JADE2: variants seen among roughly 807,000 people sequenced by gnomAD.
JADE2 encodes the protein jade family PHD finger 2.
A neutral mutation model predicts 85.7 loss-of-function variants in JADE2; 13 were observed. The ratio of observed to expected loss-of-function variants is 0.15; its 90% CI spans 0.10 to 0.24. JADE2 has a LOEUF of 0.24. Among genes scored for constraint, JADE2 ranks in the 10% least tolerant of loss-of-function variants. JADE2 has a pLI of 1.00. For synonymous variants in JADE2, 440 were observed against 456.1 expected (o/e 0.96, Z 0.45); for missense variants, 846 against 1,115.9 (o/e 0.76, Z 3.45).
At chr5:134,574,166 G>A (rs188481430) in intron 10 of JADE2, 11 of 300,892 alleles carry the variant, frequency 3.7e-5, no homozygotes, top group Admixed American at 5.0e-5. Context: ...AGTCAGTTCC[G>A]AAGAAGGCAG....
intron 1 of JADE2, among the ~76,000 whole-genome samples, chr5:134,527,149 G>T (rs1279909484): frequency 7.4e-6 from 1 of 134,682 alleles, no homozygotes; most frequent in East Asian, 2.1e-4. Context: ...TCCCTTTGCC[G>T]GATCCCCGGC....
At chr5:134,577,658 T>C (rs1764460318) in intron 11 of JADE2, among the ~76,000 whole-genome samples, 1 of 152,116 alleles carries the variant, frequency 6.6e-6, no homozygotes, top group African/African-American at 2.4e-5. Context: ...GCCACTGCAC[T>C]CCAGCCTGGG....
At chr5:134,567,105 C>T (rs866242059) in intron 9 of JADE2, among the ~76,000 whole-genome samples, 4 of 152,148 alleles carry the variant, frequency 2.6e-5, no homozygotes, top group East Asian at 1.9e-4. Context: ...TGGGTAAACG[C>T]GGCTCCGTGG....
rs549694310 is a variant in JADE2 at position 134,580,425 on chromosome 5, T to TTC, written c.*1108_*1109insTC. ...TGAGCCTTAACCCCTCGCACAGCCATCCCCCCCCCCGTCCTGCCATCCCCC... is the reference window on the plus strand; with the variant it reads ...TGAGCCTTAACCCCTCGCACAGCCATTCCCCCCCCCCCGTCCTGCCATCCCCC... On this transcript the variant is annotated 3_prime_UTR_variant, in exon 12 of 12. Coordinates refer to ENST00000681547, the MANE Select transcript of JADE2 (RefSeq NM_001388185.1). 1.1e-4 allele frequency: 8 copies of TTC among 72,076 alleles called. No individual in the cohort carries two copies. The highest frequency in any genetic ancestry group is 1.5e-4 in the Admixed American group (1 of 6,636). 4.5% of individuals were successfully genotyped at this position (72,076 alleles called of 1,614,324 possible).
rs1308541308 is a variant in JADE2, at chr5:134,573,750, G to T, written c.1540G>T (p.Asp514Tyr). The T allele has an allele frequency of 6.2e-7, 1 of 1,608,066 alleles. No homozygotes were observed. The highest frequency in any genetic ancestry group is 1.1e-5 in the South Asian group (1 of 90,968). Residue 514 changes from aspartate to tyrosine, a missense_variant, in exon 10 of 12, where the codon GAT becomes TAT. Around this residue, in one of 9 missense-constraint regions of JADE2, gnomAD observed 119 missense variants for 163.9 expected, o/e 0.73. Coordinates refer to ENST00000681547, the MANE Select transcript of JADE2 (RefSeq NM_001388185.1). The part of the protein sequence containing the change: ...FHLQMKLIEQ[D>Y]LCRERSGRRA... Reference sequence around the variant, plus strand: ...CCTGCAGATGAAACTTATTGAACAGGATCTGTGTCGAGGTAGGCGCCTTCC... The same window carrying T: ...CCTGCAGATGAAACTTATTGAACAGTATCTGTGTCGAGGTAGGCGCCTTCC...
At chr5:134,564,421 A>C (rs329311) in intron 7 of JADE2, 73 bp from the exon 8 acceptor site, 914,129 of 971,254 alleles carry the variant, frequency 0.94, 432,378 homozygotes, top group Non-Finnish European at 0.97. Flanking sequence ...CAGCAGACAA[A>C]CCCCCATTTT....
At chr5:134,529,231 G>C (rs1008869490) in intron 1 of JADE2, among the ~76,000 whole-genome samples, 3 of 152,160 alleles carry the variant, frequency 2.0e-5, no homozygotes, top group African/African-American at 7.2e-5. Context: ...GGGAGAACAG[G>C]TCAGAGTTGG....
At chr5:134,534,113 G>A (rs950959368) in intron 1 of JADE2, among the ~76,000 whole-genome samples, 2 of 152,150 alleles carry the variant, frequency 1.3e-5, no homozygotes, top group East Asian at 1.9e-4. Flanking sequence ...GCGCAGAGAC[G>A]GAGAAGTCAG....
intron 1 of JADE2, among the ~76,000 whole-genome samples, chr5:134,531,136 G>C (rs1474128238): frequency 6.6e-6 from 1 of 152,212 alleles, no homozygotes; most frequent in Non-Finnish European, 1.5e-5. Flanking sequence ...TAAACCTGAA[G>C]GTTGAAAAGT....
chr5:134,541,670 G>A (rs1761968052), intron 3 of JADE2, among the ~76,000 whole-genome samples: 1 of 152,206 alleles, frequency 6.6e-6, no homozygotes, highest in Admixed American at 6.5e-5. Context: ...TGGAACTCGT[G>A]GTTCACTTGT....
intron 11 of JADE2, among the ~76,000 whole-genome samples, chr5:134,577,755 T>C (rs1764466116): frequency 6.6e-6 from 1 of 152,112 alleles, no homozygotes; most frequent in African/African-American, 2.4e-5. Flanking sequence ...AAACCCAGTC[T>C]CCCGTCTCGC....
chr5:134,564,541 G>C lies in JADE2; in HGVS notation c.900G>C (p.Ser300=), dbSNP rs370730516. ...AGATGGAGCCCATCACCAAGATCTC[G>C]CATATCCCAGCCAGCCGCTGGGCTC... ...PEKMEPITKI[S]HIPASRWALS... is the part of the protein sequence containing the mutation. The change falls in exon 8 of 12, where the codon TCG becomes TCC. Residue 300 remains serine (S), a synonymous_variant. Coordinates refer to ENST00000681547, the MANE Select transcript of JADE2 (RefSeq NM_001388185.1). 7 of 1,581,058 alleles carry C rather than the reference G, an allele frequency of 4.4e-6. No homozygotes were observed. The East Asian group carries it at 1.6e-4, about 36-fold the overall frequency.
intron 3 of JADE2, among the ~76,000 whole-genome samples, chr5:134,550,649 C>T (rs999452930): frequency 1.3e-5 from 2 of 152,274 alleles, no homozygotes; most frequent in East Asian, 1.9e-4. Context: ...CACATGGTGT[C>T]TAGAGGTGCC....
chr5:134,559,215 A>G (rs916189142), intron 4 of JADE2, among the ~76,000 whole-genome samples: 1 of 152,160 alleles, frequency 6.6e-6, no homozygotes, highest in Non-Finnish European at 1.5e-5. Context: ...GTAACCAGGT[A>G]GGGCTCCTCC....
intron 1 of JADE2, among the ~76,000 whole-genome samples, chr5:134,529,098 C>T: frequency 6.6e-6 from 1 of 152,196 alleles, no homozygotes; most frequent in Non-Finnish European, 1.5e-5. Context: ...TAGTGTTCCT[C>T]TTAACAGGAA....
At chr5:134,525,035 C>T (rs1218353294), upstream of JADE2, among the ~76,000 whole-genome samples, 1 of 151,998 alleles carries the variant, frequency 6.6e-6, no homozygotes, top group African/African-American at 2.4e-5. Flanking sequence ...GTGCAAACCT[C>T]GTTCCCTCCG....
rs199876764 is a variant in JADE2, at chr5:134,578,615, C to T, written c.1803C>T (p.Arg601=). The T allele has an allele frequency of 2.4e-5, 38 of 1,614,048 alleles. No homozygotes were observed. The highest frequency in any genetic ancestry group is 2.2e-5 in the South Asian group (2 of 91,092). The part of the protein sequence containing the change: ...MSEWPLNNGH[R]EDPAPGLLSE... ...AGTGGCCACTGAACAATGGGCACCGCGAGGACCCTGCTCCAGGGCTGCTGT... is the reference window on the plus strand; with the variant it reads ...AGTGGCCACTGAACAATGGGCACCGTGAGGACCCTGCTCCAGGGCTGCTGT... The change falls in exon 12 of 12, where the codon CGC becomes CGT. Residue 601 remains arginine (R), a synonymous_variant. Coordinates refer to ENST00000681547, the MANE Select transcript of JADE2 (RefSeq NM_001388185.1). The surrounding 1 kb of genome is among the most constrained non-coding windows in gnomAD (Gnocchi z 4.4).
chr5:134,564,472 C>T, intron 7 of JADE2, 22 bp from the exon 8 acceptor site: 3 of 1,510,884 alleles, frequency 2.0e-6, no homozygotes, highest in Non-Finnish European at 2.7e-6. Flanking sequence ...AGGAATGATG[C>T]AGCCCCCTGT....
intron 9 of JADE2, among the ~76,000 whole-genome samples, chr5:134,570,919 A>T (rs329319): frequency 1.3e-5 from 2 of 152,040 alleles, no homozygotes; most frequent in Admixed American, 1.3e-4. Context: ...TTTAAAGGCC[A>T]CCGGCATCTC....
Sources: gnomAD v4.1 joint callset for allele counts (sites outside exome capture counted in the v4.1 genomes callset) on GRCh38, gnomAD v4.1.1 for gene constraint, gnomAD v4.1.1 regional missense constraint, Gnocchi (gnomAD v3.1) non-coding constraint, MANE v1.5 for transcripts, NCBI Gene and HGNC (gene_info 2026-07-23, HGNC 2026-07-21) for gene names.